AFG2A: variants seen among roughly 807,000 people sequenced by gnomAD.
AFG2A encodes AAA ATPase AFG2A, also known as ATPase family gene 2 protein homolog A.
At chr4:123,090,600 A>G in the AFG2A span, 1 of 1,614,164 alleles carries the variant, frequency 6.2e-7, no homozygotes, top group Non-Finnish European at 8.5e-7. Flanking sequence ...CTGGGAATGT[A>G]GCCGATCGTG....
the AFG2A span, among the ~76,000 whole-genome samples, chr4:123,302,979 AT>A: frequency 6.6e-6 from 1 of 152,186 alleles, no homozygotes; most frequent in Non-Finnish European, 1.5e-5. Context: ...TAGGTGATCA[AT>A]AAAGATTTCT....
chr4:123,063,743 C>CAAAAAA, the AFG2A span, among the ~76,000 whole-genome samples: 93 of 129,754 alleles, frequency 7.2e-4, no homozygotes, highest in African/African-American at 2.2e-3. Flanking sequence ...GAGACTGTCT[C>CAAAAAA]AAAAAAAAAA....
the AFG2A span, among the ~76,000 whole-genome samples, chr4:123,032,693 T>C: frequency 6.6e-6 from 1 of 152,178 alleles, no homozygotes; most frequent in Non-Finnish European, 1.5e-5. Context: ...GGATTACAGG[T>C]ATAAGCCACC....
chr4:123,310,948 G>A, the AFG2A span, among the ~76,000 whole-genome samples: 1 of 152,144 alleles, frequency 6.6e-6, no homozygotes, highest in Non-Finnish European at 1.5e-5. Context: ...CATACAGACA[G>A]CTGCACTCCT....
chr4:123,034,187 G>A, the AFG2A span, among the ~76,000 whole-genome samples: 1 of 151,922 alleles, frequency 6.6e-6, no homozygotes, highest in Non-Finnish European at 1.5e-5. Flanking sequence ...CAAATAAGGA[G>A]GGCTAACTAT....
the AFG2A span, among the ~76,000 whole-genome samples, chr4:122,971,606 G>C: frequency 6.6e-6 from 1 of 152,106 alleles, no homozygotes; most frequent in Non-Finnish European, 1.5e-5. Context: ...TTTAATAGAA[G>C]TGGTAACAAT....
At chr4:123,143,833 T>C in the AFG2A span, among the ~76,000 whole-genome samples, 174 of 13,052 alleles carry the variant, frequency 0.013, no homozygotes, top group East Asian at 0.14. Context: ...TTCTCTCTCT[T>C]TTTTTTTTTT....
At chr4:123,275,075 A>G in the AFG2A span, among the ~76,000 whole-genome samples, 1 of 152,052 alleles carries the variant, frequency 6.6e-6, no homozygotes, top group African/African-American at 2.4e-5. Context: ...CCTCAGGCAG[A>G]CCCTTGAGTG....
At chr4:123,143,504 ATTGTC>A in the AFG2A span, among the ~76,000 whole-genome samples, 33 of 152,122 alleles carry the variant, frequency 2.2e-4, no homozygotes, top group African/African-American at 7.9e-4. Context: ...GCTCTTATCC[ATTGTC>A]AGTAACCCAC....
chr4:122,967,470 T>C, the AFG2A span, among the ~76,000 whole-genome samples: 1 of 152,212 alleles, frequency 6.6e-6, no homozygotes, highest in Non-Finnish European at 1.5e-5. Context: ...TTTTCTTCTT[T>C]AGTCACCCTG....
chr4:123,286,220 C>T, the AFG2A span, among the ~76,000 whole-genome samples: 1 of 152,142 alleles, frequency 6.6e-6, no homozygotes, highest in Non-Finnish European at 1.5e-5. Context: ...AAGTTTGTAG[C>T]TGTCTCTTCA....
chr4:122,925,880 A>G, the AFG2A span, among the ~76,000 whole-genome samples: 1 of 152,244 alleles, frequency 6.6e-6, no homozygotes, highest in African/African-American at 2.4e-5. Flanking sequence ...CACATAGTAC[A>G]TATTTGCTGA....
chr4:123,066,267 T>C, the AFG2A span, among the ~76,000 whole-genome samples: 1 of 152,202 alleles, frequency 6.6e-6, no homozygotes, highest in Non-Finnish European at 1.5e-5. Context: ...GTAAATTCAA[T>C]ACATTCATGA....
At chr4:122,963,496 A>G in the AFG2A span, among the ~76,000 whole-genome samples, 1 of 152,178 alleles carries the variant, frequency 6.6e-6, no homozygotes, top group Non-Finnish European at 1.5e-5. Context: ...GTACTAACAC[A>G]TTTCTTCCTC....
At chr4:123,128,379 T>C in the AFG2A span, among the ~76,000 whole-genome samples, 1 of 152,122 alleles carries the variant, frequency 6.6e-6, no homozygotes, top group African/African-American at 2.4e-5. Context: ...ATTTAATAAT[T>C]GTTGCTTTTT....
At chr4:123,191,538 C>T in the AFG2A span, among the ~76,000 whole-genome samples, 1 of 152,138 alleles carries the variant, frequency 6.6e-6, no homozygotes, top group Non-Finnish European at 1.5e-5. Context: ...TGTGACTATA[C>T]ATACAAGGTA....
chr4:123,246,523 AT>A, the AFG2A span, among the ~76,000 whole-genome samples: 1 of 151,876 alleles, frequency 6.6e-6, no homozygotes, highest in Admixed American at 6.6e-5. Context: ...ATACCTGTGG[AT>A]TTTTTTTCTC....
At chr4:123,200,895 AT>A in the AFG2A span, among the ~76,000 whole-genome samples, 2 of 152,192 alleles carry the variant, frequency 1.3e-5, no homozygotes, top group African/African-American at 2.4e-5. Context: ...TTTGAATCAT[AT>A]TTTTTTGTGG....
At chr4:123,217,644 C>T in the AFG2A span, among the ~76,000 whole-genome samples, 1 of 152,170 alleles carries the variant, frequency 6.6e-6, no homozygotes, top group Admixed American at 6.5e-5. Flanking sequence ...CCCTTCCACC[C>T]ATACCAGATC....
Sources: gnomAD v4.1 joint callset for allele counts (sites outside exome capture counted in the v4.1 genomes callset) on GRCh38, gnomAD v4.1.1 for gene constraint, MANE v1.5 for transcripts, NCBI Gene and HGNC (gene_info 2026-07-23, HGNC 2026-07-21) for gene names.